Variants in PLPPR3 observed in about 807,000 individuals in gnomAD.
PLPPR3 encodes the protein phospholipid phosphatase related 3.
In PLPPR3, 14 loss-of-function variants were observed where a neutral mutation model predicts 27.3. The observed-to-expected ratio is 0.51, with a 90% CI of 0.34 to 0.80. The LOEUF (loss-of-function observed/expected upper bound fraction) is 0.80, where lower values mean the gene tolerates loss of function less well. Ranked by LOEUF, PLPPR3 falls within the 30% of genes least tolerant of loss-of-function variation. The probability of loss-of-function intolerance (pLI) is 0.01; values close to 1 mark genes in which losing one functional copy is unlikely to be tolerated. For missense variants in PLPPR3, 1,287 were observed against 1,056.9 expected, an observed-to-expected ratio of 1.22 and a Z score of -3.02; for synonymous variants, 671 against 508.0, an observed-to-expected ratio of 1.32 and a Z score of -4.32.
chr19:812,625 T>A lies in PLPPR3; in HGVS notation c.2102A>T (p.Glu701Val). The A allele has an allele frequency of 9.1e-7, 1 of 1,101,296 alleles. No individual in the cohort carries two copies. The highest frequency in any genetic ancestry group is 1.1e-6 in the Non-Finnish European group (1 of 898,540). 68.2% of individuals were successfully genotyped at this position (1,101,296 alleles called of 1,614,324 possible). Residue 701 changes from glutamate to valine, a missense_variant, in exon 8 of 8, where the codon GAG becomes GTG. By Grantham distance (121) the Glu-to-Val change is moderately radical. Coordinates refer to ENST00000520876, the MANE Select transcript of PLPPR3 (RefSeq NM_001270366.2). ...GGLGLAEREA[E>V]AEAEGYFRKM... ...GCGGAAGTAGCCCTCGGCCTCCGCC[T>A]CCGCCTCGCGCTCCGCCAGCCCCAG...
At position 812,961 on chromosome 19, in the gene PLPPR3, T is replaced by C; in HGVS notation, c.1766A>G (p.His589Arg). 7 of 1,456,488 alleles carry C rather than the reference T, an allele frequency of 4.8e-6. No homozygotes were observed. The highest frequency in any genetic ancestry group is 6.3e-6 in the Non-Finnish European group (7 of 1,109,862). The allele number at this position is 1,456,488 out of a possible 1,614,324, so 90.2% of individuals were successfully genotyped here. ...SIVTIDAHAP[H>R]HPVVHLSAGG... ...GGCCGACAGGTGCACCACGGGGTGG[T>C]GCGGCGCGTGCGCGTCGATGGTCAC... Residue 589 changes from histidine (H) to arginine (R), a missense_variant, in exon 8 of 8, where the codon CAC (histidine) becomes CGC (arginine). His to Arg is a conservative substitution (Grantham distance 29). Transcript: ENST00000520876.
chr19:819,421 C>T (rs1465610054), intron 2 of PLPPR3, among the ~76,000 whole-genome samples: 3 of 151,588 alleles, frequency 2.0e-5, no homozygotes, highest in Non-Finnish European at 2.9e-5. Flanking sequence ...GATGGGATTA[C>T]AGGCGCCCAC....
chr19:819,889 T>C (rs1437487140), intron 2 of PLPPR3, among the ~76,000 whole-genome samples: 1 of 152,224 alleles, frequency 6.6e-6, no homozygotes, highest in Non-Finnish European at 1.5e-5. Context: ...TCATCCAGGC[T>C]GAAGTGCAGT....
rs774723754 is a variant in PLPPR3 at position 814,852 on chromosome 19, G to A, written c.599+34C>T. The A allele has an allele frequency of 1.9e-6, 3 of 1,596,404 alleles. 1 individual carries two copies. Among genetic ancestry groups the A allele is most frequent in the Non-Finnish European group, 2.6e-6 (3 of 1,174,350 alleles). ...CGCATGTTCACCGGGGCGGAAGAAG[G>A]CTCCCAGTCAGGGGAGTTGGGGGTC... On this transcript the variant is annotated intron_variant, in intron 5 of 7. Coordinates refer to ENST00000520876, the MANE Select transcript of PLPPR3 (RefSeq NM_001270366.2).
At chr19:814,828 G>GC in intron 5 of PLPPR3, 58 bp downstream of exon 5, 1 of 1,578,728 alleles carries the variant, frequency 6.3e-7, no homozygotes, top group Non-Finnish European at 8.6e-7. Flanking sequence ...CTGTTTCCCC[G>GC]CATGTTCACC....
In PLPPR3 at chr19:815,854, G is replaced by A. The variant is rs2035044787; in HGVS notation, c.76-3C>T. 6.2e-7 allele frequency: 1 copy of A among 1,612,076 alleles called. No individual in the cohort carries two copies. Among genetic ancestry groups the A allele is most frequent in the South Asian group, 1.1e-5 (1 of 91,032 alleles). ...ATGGAAGAAGCCACTATGGGCAGCT[G>A]TGGGGACAAGGTGGGCCAGGTTCAC... On this transcript the variant is annotated splice_polypyrimidine_tract_variant and splice_region_variant and intron_variant, in intron 2 of 7. Coordinates refer to ENST00000520876, the MANE Select transcript of PLPPR3 (RefSeq NM_001270366.2).
rs1014386824 is a variant in PLPPR3 at position 812,841 on chromosome 19, C to T, written c.1886G>A (p.Arg629His). The change falls in exon 8 of 8, where the codon CGC becomes CAC. Residue 629 changes from arginine to histidine, a missense_variant. Transcript: ENST00000520876. Reference sequence around the variant, plus strand: ...CACGCCCGGGGGCTTGGCCCCGCCGCGGAAGCCGCGCGCCAGGTCCCCCAG... The same window carrying T: ...CACGCCCGGGGGCTTGGCCCCGCCGTGGAAGCCGCGCGCCAGGTCCCCCAG... The part of the protein sequence containing the change: ...YELGDLARGF[R>H]GGAKPPGVSP... 4 of 1,124,100 alleles carry T rather than the reference C, an allele frequency of 3.6e-6. No individual in the cohort carries two copies. The highest frequency in any genetic ancestry group is 4.4e-6 in the Non-Finnish European group (4 of 917,686). The allele number at this position is 1,124,100 out of a possible 1,614,324, so 69.6% of individuals were successfully genotyped here.
chr19:823,450 A>AAAAAAAAAAAAAAAAAAAAAAAAC (rs111454578), upstream of PLPPR3, among the ~76,000 whole-genome samples: 6 of 143,822 alleles, frequency 4.2e-5, no homozygotes, highest in Admixed American at 2.1e-4. Flanking sequence ...TCAAAAAAAA[A>AAAAAAAAAAAAAAAAAAAAAAAAC]AAAAAAAACA....
At chr19:820,061 T>C (rs1365048615) in intron 2 of PLPPR3, among the ~76,000 whole-genome samples, 1 of 152,178 alleles carries the variant, frequency 6.6e-6, no homozygotes, top group East Asian at 1.9e-4. Flanking sequence ...TTGCCCAGGC[T>C]AGTCTTGAAC....
At chr19:816,943 C>T (rs1835720256) in intron 2 of PLPPR3, among the ~76,000 whole-genome samples, 1 of 149,162 alleles carries the variant, frequency 6.7e-6, no homozygotes, top group Admixed American at 6.7e-5. Flanking sequence ...CACCCATCCA[C>T]CTATCCATCC....
chr19:814,675 T>A lies in PLPPR3; in HGVS notation c.657+17A>T, dbSNP rs2035019548. On this transcript the variant is annotated intron_variant, in intron 6 of 7. Transcript: ENST00000520876. ...CAGCAAGAGGGCCTGGGAAGGGCAG[T>A]GAGGGGCCGGACTCACCGACACATA... 1 of 1,606,724 alleles carries A rather than the reference T, an allele frequency of 6.2e-7. No homozygotes were observed. Among genetic ancestry groups the A allele is most frequent in the Admixed American group, 1.7e-5 (1 of 60,008 alleles).
intron 1 of PLPPR3, 76 bp downstream of exon 1, chr19:821,839 G>T: frequency 6.5e-6 from 2 of 309,074 alleles, no homozygotes; most frequent in Non-Finnish European, 5.9e-6. Flanking sequence ...CGTGGTGGTG[G>T]GGGGCATCCG....
intron 2 of PLPPR3, among the ~76,000 whole-genome samples, chr19:818,672 T>C (rs2035099850): frequency 6.6e-6 from 1 of 151,768 alleles, no homozygotes; most frequent in Non-Finnish European, 1.5e-5. Flanking sequence ...TAGCTGGGAC[T>C]ACAGGCGCCC....
In PLPPR3 at chr19:812,666, C is replaced by T. The variant is rs910079507; in HGVS notation, c.2061G>A (p.Arg687=). ...LGPGSRESTL[R]RHAGGLGLAE... is the part of the protein sequence containing the mutation. Reference sequence around the variant, plus strand: ...CCAGCCCCAGGCCGCCCGCGTGGCGCCGCAGCGTGGACTCCCGGCTGCCCG... The same window carrying T: ...CCAGCCCCAGGCCGCCCGCGTGGCGTCGCAGCGTGGACTCCCGGCTGCCCG... The change falls in exon 8 of 8, where the codon CGG becomes CGA. Residue 687 remains arginine (R), a synonymous_variant. Transcript: ENST00000520876. 1.7e-5 allele frequency: 18 copies of T among 1,059,172 alleles called. No homozygotes were observed. The African/African-American group carries it at 3.0e-4, about 17-fold the overall frequency. The allele number at this position is 1,059,172 out of a possible 1,614,324, so 65.6% of individuals were successfully genotyped here.
chr19:815,370 G>A (rs2035035407), intron 3 of PLPPR3, 43 bp from the exon 4 acceptor site: 9 of 1,502,314 alleles, frequency 6.0e-6, no homozygotes, highest in Non-Finnish European at 8.0e-6. Context: ...TGCCCACAGG[G>A]AGGGGGCGCT....
Position 815,254 on chromosome 19 carries a change from G to A in PLPPR3, c.335C>T (p.Ala112Val), listed in dbSNP as rs148299276. 2,730 of 1,567,924 alleles carry A rather than the reference G, an allele frequency of 1.7e-3. 90 individuals are homozygous for A. The East Asian group carries it at 0.051, about 29-fold the overall frequency. Reference protein sequence around the residue: ...LWGRAGGPAGAEGSINAGGCN... With the variant: ...LWGRAGGPAGVEGSINAGGCN... ...GCCGCCGGCGTTGATGCTGCCCTCCGCCCCGGCGGGCCCCCCGGCACGGCC... is the reference window on the plus strand; with the variant it reads ...GCCGCCGGCGTTGATGCTGCCCTCCACCCCGGCGGGCCCCCCGGCACGGCC... Residue 112 changes from alanine (A) to valine (V), a missense_variant, in exon 4 of 8, where the codon GCG becomes GTG. Ala to Val is a moderately conservative substitution (Grantham distance 64). Coordinates refer to ENST00000520876, the MANE Select transcript of PLPPR3 (RefSeq NM_001270366.2).
rs1349421825 is a variant in PLPPR3, at chr19:813,452, G to A, written c.1275C>T (p.Asp425=). ...CGCGCAGGTGCCCGGGGCTGGCGTC[G>A]TCGGGCAGCCCCAGGCCGCGGCCCT... is the stretch of plus-strand genomic sequence containing the variant. The part of the protein sequence containing the change: ...SLEGRGLGLP[D]DASPGHLRAP... The change falls in exon 8 of 8, where the codon GAC becomes GAT. Residue 425 remains aspartate (D), a synonymous_variant. Coordinates refer to ENST00000520876, the MANE Select transcript of PLPPR3 (RefSeq NM_001270366.2). The surrounding 1 kb of genome is among the most constrained non-coding windows in gnomAD (Gnocchi z 4.1). The A allele has an allele frequency of 6.5e-7, 1 of 1,529,668 alleles. No homozygotes were observed. The highest frequency in any genetic ancestry group is 2.0e-5 in the Admixed American group (1 of 49,822). 94.8% of individuals were successfully genotyped at this position (1,529,668 alleles called of 1,614,324 possible).
rs941780096 is a variant in PLPPR3, at chr19:812,672, C to T, written c.2055G>A (p.Thr685=). 2.6e-5 allele frequency: 27 copies of T among 1,053,770 alleles called. No homozygotes were observed. In the African/African-American group the frequency reaches 4.7e-4, roughly 18 times the overall value. The allele number at this position is 1,053,770 out of a possible 1,614,324, so 65.3% of individuals were successfully genotyped here. A position where few individuals can be genotyped will look rare whatever the true frequency, so the allele number is the denominator to read the frequency against. ...GALGPGSRES[T]LRRHAGGLGL... ...CCAGGCCGCCCGCGTGGCGCCGCAG[C>T]GTGGACTCCCGGCTGCCCGGGCCCA... is the stretch of plus-strand genomic sequence containing the variant. The change falls in exon 8 of 8, where the codon ACG becomes ACA. Residue 685 remains threonine, a synonymous_variant. Coordinates refer to ENST00000520876, the MANE Select transcript of PLPPR3 (RefSeq NM_001270366.2).
At chr19:817,098 C>A (rs1412500830) in intron 2 of PLPPR3, among the ~76,000 whole-genome samples, 1 of 151,586 alleles carries the variant, frequency 6.6e-6, no homozygotes. Context: ...GCCCAGGCTG[C>A]AGTGCAGTGG....
Sources: allele counts gnomAD v4.1 joint callset (sites outside exome capture counted in the v4.1 genomes callset), GRCh38; gene constraint gnomAD v4.1.1; non-coding constraint Gnocchi (gnomAD v3.1); transcripts MANE v1.5; gene names NCBI Gene and HGNC (gene_info 2026-07-23, HGNC 2026-07-21).